Variants in CHRDL2 observed in about 807,000 individuals in gnomAD.
The protein encoded by CHRDL2 is chordin-like protein 2.
CHRDL2 carries 41 observed loss-of-function variants against 54.3 expected under a neutral mutation model. That is an observed-to-expected ratio of 0.76 (90% confidence interval 0.59 to 0.98). The LOEUF (loss-of-function observed/expected upper bound fraction) is 0.98. CHRDL2 is among the 50% of genes least tolerant of loss of function. CHRDL2 has a pLI of 0.00. For missense variants in CHRDL2, 518 were observed against 562.4 expected (o/e 0.92, Z 0.80); for synonymous variants, 220 against 224.3 (o/e 0.98, Z 0.17).
At position 74,711,492 on chromosome 11, in the gene CHRDL2, G is replaced by GC. The variant is rs773025041; in HGVS notation, c.290-502dup. ...CTCCTGTCATTCACTGGCCCCCAGA[G>GC]CCCCCCTCCCCATCACCTGCCCATC... On this transcript the variant is annotated intron_variant, in intron 3 of 10. Transcript: ENST00000376332. Among the ~76,000 whole-genome samples the GC allele has an allele frequency of 2.5e-4, 38 of 152,272 alleles. 1 individual carries two copies. Among genetic ancestry groups the GC allele is most frequent in the Admixed American group, 1.2e-3 (18 of 15,296 alleles).
rs770380809 is a variant in CHRDL2, at chr11:74,703,297, C to T, written c.946+8G>A. On this transcript the variant is annotated splice_region_variant and intron_variant, in intron 8 of 10. Transcript: ENST00000376332. ...AGCGCCCTCCTTGCTCCCAGTGCCC[C>T]TGTGTACCTGGGCAAATCTTGCAGC... The T allele has an allele frequency of 3.8e-5, 60 of 1,591,582 alleles. No homozygotes were observed. The highest frequency in any genetic ancestry group is 9.1e-5 in the South Asian group (8 of 88,326).
At chr11:74,726,856 C>G (rs917093256) in intron 1 of CHRDL2, among the ~76,000 whole-genome samples, 2 of 152,198 alleles carry the variant, frequency 1.3e-5, no homozygotes, top group Non-Finnish European at 2.9e-5. Context: ...CTCCCCACTG[C>G]CTCATGCACA....
chr11:74,704,053 T>G (rs74402202), intron 7 of CHRDL2, among the ~76,000 whole-genome samples: 5,517 of 152,230 alleles, frequency 0.036, 329 homozygotes, highest in African/African-American at 0.13. Context: ...CCTCCTTCCT[T>G]TGTCAAAAAC....
intron 9 of CHRDL2, chr11:74,701,346 G>A (rs2033801831): frequency 4.9e-6 from 2 of 407,632 alleles, no homozygotes; most frequent in Admixed American, 4.1e-5. Context: ...GTTAGGATTC[G>A]AACCCAAAGC....
intron 2 of CHRDL2, among the ~76,000 whole-genome samples, chr11:74,714,402 A>G (rs749836386): frequency 1.3e-5 from 2 of 152,160 alleles, no homozygotes; most frequent in Admixed American, 6.5e-5. Context: ...TTTGTTCACA[A>G]TTCTGAAGTT....
intron 8 of CHRDL2, 31 bp downstream of exon 8, chr11:74,703,274 C>A: frequency 6.4e-7 from 1 of 1,559,350 alleles, no homozygotes; most frequent in South Asian, 1.2e-5. Context: ...CTCTGGCCAG[C>A]GCCCTCCTTG....
chr11:74,717,856 A>G (rs993971065), intron 2 of CHRDL2, among the ~76,000 whole-genome samples: 2 of 152,090 alleles, frequency 1.3e-5, no homozygotes, highest in East Asian at 3.9e-4. Context: ...GGACATCCAC[A>G]CTGGGCTCCA....
Position 74,728,552 on chromosome 11 carries a change from T to G in CHRDL2, c.82+2255A>C, listed in dbSNP as rs371175636. ...TTTTGTTGTTGTTGTTGTTGTTGTTTTTTAAGAGATGAGGTCTCACCATGT... is the reference window on the plus strand; with the variant it reads ...TTTTGTTGTTGTTGTTGTTGTTGTTGTTTAAGAGATGAGGTCTCACCATGT... On this transcript the variant is annotated intron_variant, in intron 1 of 10. Coordinates refer to ENST00000376332, the MANE Select transcript of CHRDL2 (RefSeq NM_001278473.3). 2.0e-4 allele frequency among the ~76,000 whole-genome samples: 21 copies of G among 106,948 alleles called. No individual in the cohort carries two copies. The East Asian group carries it at 2.9e-3, about 15-fold the overall frequency. The allele number at this position is 106,948 out of a possible 152,430, so 70.2% of individuals were successfully genotyped here. A position where few individuals can be genotyped will look rare whatever the true frequency, so the allele number is the denominator to read the frequency against.
chr11:74,725,838 G>A (rs887116451), intron 1 of CHRDL2, among the ~76,000 whole-genome samples: 1 of 152,180 alleles, frequency 6.6e-6, no homozygotes, highest in Non-Finnish European at 1.5e-5. Flanking sequence ...AGGCTGCCCA[G>A]GAATGTAGAA....
intron 2 of CHRDL2, among the ~76,000 whole-genome samples, chr11:74,714,329 G>A (rs921147902): frequency 3.3e-5 from 5 of 152,210 alleles, no homozygotes; most frequent in Non-Finnish European, 7.4e-5. Flanking sequence ...GCATGAGTGA[G>A]TGAATAAATG....
intron 1 of CHRDL2, among the ~76,000 whole-genome samples, 200 bp downstream of exon 1, chr11:74,730,607 C>A (rs889256072): frequency 6.6e-6 from 1 of 152,220 alleles, no homozygotes; most frequent in South Asian, 2.1e-4. Flanking sequence ...TCCCTGGCAG[C>A]AGCCCTCTCT....
At chr11:74,723,212 G>A (rs1177246188) in intron 1 of CHRDL2, among the ~76,000 whole-genome samples, 1 of 152,198 alleles carries the variant, frequency 6.6e-6, no homozygotes, top group Admixed American at 6.5e-5. Flanking sequence ...TAGGATATGG[G>A]TGGAGAAGGC....
At chr11:74,713,791 C>A (rs531471507) in intron 2 of CHRDL2, among the ~76,000 whole-genome samples, 3 of 152,284 alleles carry the variant, frequency 2.0e-5, no homozygotes, top group Admixed American at 2.0e-4. Context: ...GATCTTGATG[C>A]TTTGACTGCA....
rs772520244 is a variant in CHRDL2, at chr11:74,718,718, A to T, written c.195+2T>A. The T allele has an allele frequency of 1.0e-5, 16 of 1,601,440 alleles. No individual in the cohort carries two copies. In the African/African-American group the frequency reaches 1.9e-4, roughly 19 times the overall value. ...GGTGGTCAGGTGGCCAGAGGAACCT[A>T]CCTCTGAGCAGGTACAGCGCAGGCA... On this transcript the variant is annotated splice_donor_variant, in intron 2 of 10. Coordinates refer to ENST00000376332, the MANE Select transcript of CHRDL2 (RefSeq NM_001278473.3). LOFTEE classifies it high-confidence loss of function.
Position 74,708,360 on chromosome 11 carries a change from G to A in CHRDL2, c.468C>T (p.Pro156=), listed in dbSNP as rs532780157. 3.4e-5 allele frequency: 54 copies of A among 1,588,222 alleles called. No homozygotes were observed. Among genetic ancestry groups the A allele is most frequent in the Middle Eastern group, 3.4e-4 (2 of 5,890 alleles). Residue 156 remains proline, a synonymous_variant, in exon 5 of 11, where the codon CCC becomes CCT. Transcript: ENST00000376332. ...GGAGGGGTGCTGGGCAGCCTGGTTC[G>A]GGGCAGGTTGTGAGGCCGCAGTAGA... is the stretch of plus-strand genomic sequence containing the variant. ...GQIYCGLTTC[P]EPGCPAPLPL...
At chr11:74,726,682 C>G (rs1174257948) in intron 1 of CHRDL2, among the ~76,000 whole-genome samples, 1 of 152,218 alleles carries the variant, frequency 6.6e-6, no homozygotes, top group East Asian at 1.9e-4. Context: ...GGTGCAACAG[C>G]TGGAGCAACT....
chr11:74,697,529 G>C, intron 9 of CHRDL2: 5 of 574,312 alleles, frequency 8.7e-6, no homozygotes, highest in Non-Finnish European at 1.6e-5. Context: ...CACTACACTA[G>C]AGTCCTAACC....
chr11:74,705,486 T>C (rs1250081332), intron 6 of CHRDL2, among the ~76,000 whole-genome samples: 3 of 151,968 alleles, frequency 2.0e-5, no homozygotes, highest in African/African-American at 7.3e-5. Context: ...GCTCCCAGAG[T>C]GGAAACTGTC....
At chr11:74,701,748 T>G (rs1443900417) in intron 9 of CHRDL2, 1 of 550,486 alleles carries the variant, frequency 1.8e-6, no homozygotes, top group African/African-American at 1.9e-5. Context: ...GCTACACACA[T>G]TGGTTATTAT....
Sources: allele counts gnomAD v4.1 joint callset (sites outside exome capture counted in the v4.1 genomes callset), GRCh38; gene constraint gnomAD v4.1.1; transcripts MANE v1.5; gene names NCBI Gene and HGNC (gene_info 2026-07-23, HGNC 2026-07-21).